ANKDD1B: variants seen among roughly 807,000 people sequenced by gnomAD.
ANKDD1B encodes the protein ankyrin repeat and death domain-containing protein 1B.
ANKDD1B carries 57 observed loss-of-function variants against 59.7 expected under a neutral mutation model. The ratio of observed to expected loss-of-function variants is 0.95; its 90% CI spans 0.77 to 1.19. The LOEUF is 1.19. ANKDD1B is among the 50% of genes most tolerant of loss of function. The pLI is 0.00. For missense variants in ANKDD1B, 602 were observed against 641.9 expected (o/e 0.94, Z 0.67); for synonymous variants, 216 against 239.5 (o/e 0.90, Z 0.91).
rs887959830 is a variant in ANKDD1B, at chr5:75,635,026, A to G, written c.699+30A>G. 2.8e-6 allele frequency: 4 copies of G among 1,415,670 alleles called. No individual in the cohort carries two copies. In the African/African-American group the frequency reaches 4.3e-5, roughly 15 times the overall value. The allele number at this position is 1,415,670 out of a possible 1,614,324, so 87.7% of individuals were successfully genotyped here. A position where few individuals can be genotyped will look rare whatever the true frequency, so the allele number is the denominator to read the frequency against. ...GTTGGACTTTTATTTCTTTGCTGAG[A>G]ACAAGAGAAAGGGGAGTAACAATTG... On this transcript the variant is annotated intron_variant, in intron 6 of 13. Coordinates refer to ENST00000601380, the MANE Select transcript of ANKDD1B (RefSeq NM_001276713.2).
intron 9 of ANKDD1B, among the ~76,000 whole-genome samples, chr5:75,658,445 G>A (rs1182545403): frequency 6.6e-6 from 1 of 152,102 alleles, no homozygotes; most frequent in African/African-American, 2.4e-5. Flanking sequence ...TAAGACGGGT[G>A]ATTTTCTTGT....
intron 2 of ANKDD1B, among the ~76,000 whole-genome samples, chr5:75,618,592 T>C (rs1773771007): frequency 6.6e-6 from 1 of 152,214 alleles, no homozygotes; most frequent in Non-Finnish European, 1.5e-5. Context: ...TTTAAAAATA[T>C]AAGTAATTTT....
At chr5:75,648,253 TAAA>T (rs1192638336) in intron 7 of ANKDD1B, among the ~76,000 whole-genome samples, 1 of 37,294 alleles carries the variant, frequency 2.7e-5, no homozygotes, top group Non-Finnish European at 5.3e-5. Flanking sequence ...AAAGTATAAT[TAAA>T]AAAAAAAAAT....
rs1775316759 is a variant in ANKDD1B, at chr5:75,666,782, T to G, written c.1192-10T>G. On this transcript the variant is annotated splice_polypyrimidine_tract_variant and intron_variant, in intron 11 of 13. Transcript: ENST00000601380. Reference sequence around the variant, plus strand: ...TCTGAAATCTTCTGATACAATTATTTTCACTTTAGGAGCATCATGAGAGCA... The same window carrying G: ...TCTGAAATCTTCTGATACAATTATTGTCACTTTAGGAGCATCATGAGAGCA... 1.3e-6 allele frequency: 2 copies of G among 1,524,266 alleles called. No homozygotes were observed. Among genetic ancestry groups the G allele is most frequent in the African/African-American group, 2.7e-5 (2 of 72,906 alleles). 94.4% of individuals were successfully genotyped at this position (1,524,266 alleles called of 1,614,324 possible).
intron 1 of ANKDD1B, among the ~76,000 whole-genome samples, chr5:75,615,455 T>C (rs773104605): frequency 1.3e-5 from 2 of 152,070 alleles, no homozygotes; most frequent in Non-Finnish European, 2.9e-5. Flanking sequence ...ATCCAGGTAA[T>C]AGAAAGAATG....
chr5:75,669,448 A>C, intron 13 of ANKDD1B, 65 bp downstream of exon 13: 1 of 1,212,572 alleles, frequency 8.2e-7, no homozygotes, highest in Non-Finnish European at 1.0e-6. Context: ...AGTCTACAGA[A>C]ATATCATCCT....
At chr5:75,640,098 T>C (rs1024059904) in intron 7 of ANKDD1B, among the ~76,000 whole-genome samples, 2 of 152,004 alleles carry the variant, frequency 1.3e-5, no homozygotes, top group African/African-American at 4.8e-5. Context: ...GGCTGGAGTG[T>C]GGTGATGCAA....
intron 13 of ANKDD1B, among the ~76,000 whole-genome samples, 186 bp downstream of exon 13, chr5:75,669,569 A>C (rs1363918075): frequency 6.6e-6 from 1 of 152,166 alleles, no homozygotes; most frequent in Non-Finnish European, 1.5e-5. Context: ...GACCCAGTCA[A>C]TACTGGTTAC....
chr5:75,612,343 C>CT (rs1226188774), intron 1 of ANKDD1B, among the ~76,000 whole-genome samples: 9 of 113,192 alleles, frequency 8.0e-5, no homozygotes, highest in African/African-American at 3.4e-4. Context: ...CCGCCCCGCC[C>CT]CCGCCCTCCG....
chr5:75,653,026 G>T, intron 7 of ANKDD1B, 116 bp from the exon 8 acceptor site: 2 of 726,748 alleles, frequency 2.8e-6, no homozygotes, highest in Non-Finnish European at 4.8e-6. Context: ...GTTAAGTGAT[G>T]CACGACTGTA....
At chr5:75,669,902 A>G (rs1297404730) in intron 13 of ANKDD1B, among the ~76,000 whole-genome samples, 1 of 152,262 alleles carries the variant, frequency 6.6e-6, no homozygotes, top group East Asian at 1.9e-4. Flanking sequence ...TATTGTCAGG[A>G]AAGATCCTTT....
intron 10 of ANKDD1B, among the ~76,000 whole-genome samples, chr5:75,662,097 G>A (rs949448305): frequency 1.3e-5 from 2 of 151,844 alleles, no homozygotes; most frequent in Non-Finnish European, 2.9e-5. Flanking sequence ...AACCCCTAAG[G>A]GTAGAAGTGT....
chr5:75,625,649 C>T lies in ANKDD1B; in HGVS notation c.399C>T (p.His133=), dbSNP rs755565216. 2.4e-5 allele frequency: 37 copies of T among 1,535,858 alleles called. No individual in the cohort carries two copies. The highest frequency in any genetic ancestry group is 2.7e-5 in the Non-Finnish European group (31 of 1,146,766). Residue 133 remains histidine, a splice_region_variant and synonymous_variant, in exon 4 of 14, where the codon CAC becomes CAT. Coordinates refer to ENST00000601380, the MANE Select transcript of ANKDD1B (RefSeq NM_001276713.2). ...CTTTTTCTGTCTTCTTGGGGAAGCA[C>T]GGCTTGACAGTAATTCACCTTGCAG... The part of the protein sequence containing the change: ...HKARVDVADK[H]GLTVIHLAAW...
intron 7 of ANKDD1B, among the ~76,000 whole-genome samples, chr5:75,651,364 A>G (rs16872696): frequency 0.039 from 5,962 of 152,314 alleles, 348 homozygotes; most frequent in African/African-American, 0.13. Flanking sequence ...TTGACTTTGT[A>G]TTATTGCAAG....
chr5:75,666,958 A>C lies in ANKDD1B; in HGVS notation c.1358A>C (p.Asp453Ala). The change falls in exon 12 of 14, where the codon GAT becomes GCT. Residue 453 changes from aspartate to alanine, a missense_variant. By Grantham distance (126) the Asp-to-Ala change is moderately radical. Coordinates refer to ENST00000601380, the MANE Select transcript of ANKDD1B (RefSeq NM_001276713.2). ...QRLARSWNFT[D>A]DQIRAIEEQW... Reference sequence around the variant, plus strand: ...CTGGCCCGTTCGTGGAACTTTACAGATGACCAGATTAGAGCCATTGAGGAG... The same window carrying C: ...CTGGCCCGTTCGTGGAACTTTACAGCTGACCAGATTAGAGCCATTGAGGAG... 6.6e-7 allele frequency: 1 copy of C among 1,506,462 alleles called. No individual in the cohort carries two copies. Among genetic ancestry groups the C allele is most frequent in the Non-Finnish European group, 8.8e-7 (1 of 1,133,866 alleles). 93.3% of individuals were successfully genotyped at this position (1,506,462 alleles called of 1,614,324 possible). A position where few individuals can be genotyped will look rare whatever the true frequency, so the allele number is the denominator to read the frequency against.
At chr5:75,661,147 T>G (rs1310502045) in intron 10 of ANKDD1B, among the ~76,000 whole-genome samples, 1 of 150,670 alleles carries the variant, frequency 6.6e-6, no homozygotes, top group East Asian at 1.9e-4. Flanking sequence ...ACCTGTAATC[T>G]CAGCACTTTG....
At chr5:75,654,015 C>T (rs766963601) in intron 8 of ANKDD1B, among the ~76,000 whole-genome samples, 7 of 152,226 alleles carry the variant, frequency 4.6e-5, no homozygotes, top group Non-Finnish European at 8.8e-5. Context: ...GATGCTTTCT[C>T]GTTTTTCATG....
intron 9 of ANKDD1B, among the ~76,000 whole-genome samples, chr5:75,658,451 C>T (rs1274650690): frequency 6.6e-6 from 1 of 152,124 alleles, no homozygotes; most frequent in Non-Finnish European, 1.5e-5. Context: ...GGGTGATTTT[C>T]TTGTGATTTC....
rs1001552124 is a variant in ANKDD1B, at chr5:75,625,679, G to C, written c.429G>C (p.Trp143Cys). 6 of 1,536,384 alleles carry C rather than the reference G, an allele frequency of 3.9e-6. No homozygotes were observed. The African/African-American group carries it at 8.2e-5, about 21-fold the overall frequency. ...HGLTVIHLAAWSGSLEVMLML... is the reference protein window; with the variant it reads ...HGLTVIHLAACSGSLEVMLML... ...TGACAGTAATTCACCTTGCAGCCTG[G>C]TCTGGGAGCCTTGAGGTCATGCTCA... is the stretch of plus-strand genomic sequence containing the variant. The change falls in exon 4 of 14, where the codon TGG becomes TGC. Residue 143 changes from tryptophan (W) to cysteine (C), a missense_variant. Transcript: ENST00000601380.
Sources: allele counts gnomAD v4.1 joint callset (sites outside exome capture counted in the v4.1 genomes callset), GRCh38; gene constraint gnomAD v4.1.1; transcripts MANE v1.5; gene names NCBI Gene and HGNC (gene_info 2026-07-23, HGNC 2026-07-21).